Variants in KIF2C observed in about 807,000 individuals in gnomAD.
KIF2C encodes kinesin family member 2C.
In KIF2C, 34 loss-of-function variants were observed where a neutral mutation model predicts 97.4. The ratio of observed to expected loss-of-function variants is 0.35; its 90% CI spans 0.27 to 0.46. KIF2C has a LOEUF of 0.46. Ranked by LOEUF, KIF2C falls within the 20% of genes least tolerant of loss-of-function variation. The pLI, the probability that KIF2C is intolerant of heterozygous loss-of-function variation, is 1.00. For synonymous variants in KIF2C, 313 were observed against 318.2 expected (o/e 0.98, Z 0.17); for missense variants, 750 against 907.6 (o/e 0.83, Z 2.23).
In KIF2C at chr1:44,757,582, C is replaced by T. The variant is rs1264128734; in HGVS notation, c.1004C>T (p.Thr335Ile). ...TTCACAGCAAGGCCACTGGTACAGA[C>T]AATCTTTGAAGGTGGAAAAGCAACT... The part of the protein sequence containing the change: ...YRFTARPLVQ[T>I]IFEGGKATCF... The change falls in exon 11 of 21, where the codon ACA becomes ATA. Residue 335 changes from threonine to isoleucine, a missense_variant. Physicochemically the swap from Thr to Ile is moderately conservative, Grantham distance 89 (BLOSUM62 -1). Transcript: ENST00000372224. 2 of 1,613,292 alleles carry T rather than the reference C, an allele frequency of 1.2e-6. No individual in the cohort carries two copies. Among genetic ancestry groups the T allele is most frequent in the Admixed American group, 1.7e-5 (1 of 60,002 alleles).
Position 44,754,735 on chromosome 1 carries a change from C to CT in KIF2C, c.664-14dup. On this transcript the variant is annotated splice_polypyrimidine_tract_variant and intron_variant, in intron 7 of 20. Transcript: ENST00000372224. ...TCTTAACAGTCTGCCCTTTTTCACTCTCGTCTCAAACCAGGAGTATGACAG... is the reference window on the plus strand; with the variant it reads ...TCTTAACAGTCTGCCCTTTTTCACTCTTCGTCTCAAACCAGGAGTATGACAG... 6.5e-7 allele frequency: 1 copy of CT among 1,534,574 alleles called. No homozygotes were observed. Among genetic ancestry groups the CT allele is most frequent in the Non-Finnish European group, 9.0e-7 (1 of 1,107,692 alleles).
intron 19 of KIF2C, among the ~76,000 whole-genome samples, chr1:44,764,186 T>C (rs1650322766): frequency 6.6e-6 from 1 of 152,252 alleles, no homozygotes; most frequent in Non-Finnish European, 1.5e-5. Flanking sequence ...TCTATATATA[T>C]ATGTTTTTGA....
At chr1:44,763,722 T>C (rs1211905368) in intron 19 of KIF2C, among the ~76,000 whole-genome samples, 3 of 151,780 alleles carry the variant, frequency 2.0e-5, no homozygotes, top group Admixed American at 1.3e-4. Context: ...AGTTAGGAGA[T>C]TGTTGGAAAG....
At chr1:44,741,116 C>A in intron 2 of KIF2C, 109 bp downstream of exon 2, 2 of 799,568 alleles carry the variant, frequency 2.5e-6, no homozygotes, top group Non-Finnish European at 4.0e-6. Context: ...GCTCTTCTCA[C>A]TCACGCCTGT....
rs1189134415 is a variant in KIF2C at position 44,760,041 on chromosome 1, C to T, written c.1368-239C>T. Among the ~76,000 whole-genome samples the T allele has an allele frequency of 6.6e-6, 1 of 152,146 alleles. No individual in the cohort carries two copies. Among genetic ancestry groups the T allele is most frequent in the African/African-American group, 2.4e-5 (1 of 41,422 alleles). On this transcript the variant is annotated intron_variant, in intron 14 of 20. Coordinates refer to ENST00000372224, the MANE Select transcript of KIF2C (RefSeq NM_006845.4). The surrounding 1 kb of genome is among the most constrained non-coding windows in gnomAD (Gnocchi z 4.2). ...CCTTCCCCGTGTCCTTCTAGGGCTC[C>T]AGGTCTGACAAAGGCCCTAGTCCAG...
chr1:44,741,110 T>G, intron 2 of KIF2C, 103 bp downstream of exon 2: 9 of 861,676 alleles, frequency 1.0e-5, no homozygotes, highest in East Asian at 2.7e-5. Flanking sequence ...TGCTGTGCTC[T>G]TCTCACTCAC....
Position 44,756,152 on chromosome 1 carries a change from G to T in KIF2C, c.892G>T (p.Val298Leu). 6.2e-7 allele frequency: 1 copy of T among 1,614,218 alleles called. No homozygotes were observed. Among genetic ancestry groups the T allele is most frequent in the East Asian group, 2.2e-5 (1 of 44,892 alleles). The change falls in exon 10 of 21, where the codon GTG becomes TTG. Residue 298 changes from valine (V) to leucine (L), a missense_variant. Val to Leu is a conservative substitution (Grantham distance 32). Coordinates refer to ENST00000372224, the MANE Select transcript of KIF2C (RefSeq NM_006845.4). ...CTTGGTACATGAACCCAAGTTGAAAGTGGACTTAACAAAGTATCTGGAGAA... is the reference window on the plus strand; with the variant it reads ...CTTGGTACATGAACCCAAGTTGAAATTGGACTTAACAAAGTATCTGGAGAA... ...LLLVHEPKLK[V>L]DLTKYLENQA...
intron 2 of KIF2C, among the ~76,000 whole-genome samples, chr1:44,745,047 G>A (rs77912202): frequency 0.02 from 3,026 of 152,078 alleles, 50 homozygotes; most frequent in Admixed American, 0.044. Flanking sequence ...AAATTAGCTG[G>A]ACATGGTGGC....
At chr1:44,754,071 A>G (rs934577455) in intron 7 of KIF2C, among the ~76,000 whole-genome samples, 3 of 142,830 alleles carry the variant, frequency 2.1e-5, no homozygotes, top group Non-Finnish European at 3.0e-5. Context: ...CTTGGGCCTC[A>G]GCCTCCCAAG....
In KIF2C at chr1:44,760,868, C is replaced by T. The variant is rs984109202; in HGVS notation, c.1683+166C>T. The stretch of plus-strand genomic sequence containing the variant: ...AGACCCTGCTTTAATGCACGAGACT[C>T]CTTGTGGCCTAACCAAGCGTGGAGG... On this transcript the variant is annotated intron_variant, in intron 16 of 20. Coordinates refer to ENST00000372224, the MANE Select transcript of KIF2C (RefSeq NM_006845.4). The surrounding 1 kb of genome is among the most constrained non-coding windows in gnomAD (Gnocchi z 4.2). 3.3e-6 allele frequency: 2 copies of T among 612,056 alleles called. No homozygotes were observed. Among genetic ancestry groups the T allele is most frequent in the Admixed American group, 5.6e-5 (2 of 35,832 alleles). 37.9% of individuals were successfully genotyped at this position (612,056 alleles called of 1,614,324 possible).
At chr1:44,742,839 C>A (rs1053953604) in intron 2 of KIF2C, among the ~76,000 whole-genome samples, 1 of 151,956 alleles carries the variant, frequency 6.6e-6, no homozygotes, top group Non-Finnish European at 1.5e-5. Flanking sequence ...AAATCAATAA[C>A]CTGGTTGAGG....
rs184878481 is a variant in KIF2C at position 44,753,885 on chromosome 1, C to T, written c.663+52C>T. 7.4e-5 allele frequency: 76 copies of T among 1,029,280 alleles called. No individual in the cohort carries two copies. The African/African-American group carries it at 9.4e-4, about 13-fold the overall frequency. 63.8% of individuals were successfully genotyped at this position (1,029,280 alleles called of 1,614,324 possible). Reference sequence around the variant, plus strand: ...GGGTTTTTGGACAGGTGTCCTTAACCGAAACTCTACGGGCAACAGAGATAC... The same window carrying T: ...GGGTTTTTGGACAGGTGTCCTTAACTGAAACTCTACGGGCAACAGAGATAC... On this transcript the variant is annotated intron_variant, in intron 7 of 20. Coordinates refer to ENST00000372224, the MANE Select transcript of KIF2C (RefSeq NM_006845.4).
At chr1:44,761,149 A>G (rs1650119012) in intron 16 of KIF2C, 2 of 174,164 alleles carry the variant, frequency 1.1e-5, no homozygotes, top group Non-Finnish European at 2.5e-5. Context: ...AAGCCCCTGT[A>G]TGTGAGATCT....
intron 4 of KIF2C, among the ~76,000 whole-genome samples, chr1:44,749,903 C>T (rs1649415470): frequency 6.6e-6 from 1 of 151,622 alleles, no homozygotes; most frequent in Non-Finnish European, 1.5e-5. Context: ...ATGGTGAAAC[C>T]CCGTCTGTAC....
intron 2 of KIF2C, chr1:44,746,287 TG>T (rs1286125701): frequency 2.4e-6 from 2 of 822,490 alleles, no homozygotes; most frequent in Non-Finnish European, 2.9e-6. Flanking sequence ...CTGAACCTGT[TG>T]TAAAGCTATC....
Position 44,752,169 on chromosome 1 carries a change from C to G in KIF2C, c.440-963C>G, listed in dbSNP as rs544708971. Among the ~76,000 whole-genome samples, 7 of 117,494 alleles carry G rather than the reference C, an allele frequency of 6.0e-5. No individual in the cohort carries two copies. The South Asian group carries it at 2.0e-3, about 33-fold the overall frequency. 77.1% of individuals were successfully genotyped at this position (117,494 alleles called of 152,430 possible). On this transcript the variant is annotated intron_variant, in intron 5 of 20. Coordinates refer to ENST00000372224, the MANE Select transcript of KIF2C (RefSeq NM_006845.4). ...TTTTTTTTTTTTTGAGACAGAGTCT[C>G]GCTCTGTCGCCCAGGCTGGAGTGCA...
At chr1:44,747,352 G>T in intron 2 of KIF2C, 32 bp from the exon 3 acceptor site, 138 of 1,301,756 alleles carry the variant, frequency 1.1e-4, no homozygotes, top group Non-Finnish European at 1.4e-4. Flanking sequence ...GAACAATGTT[G>T]TTTCATTGAA....
In KIF2C at chr1:44,766,865, C is replaced by A; in HGVS notation, c.2011C>A (p.Gln671Lys). 1 of 1,614,234 alleles carries A rather than the reference C, an allele frequency of 6.2e-7. No individual in the cohort carries two copies. The highest frequency in any genetic ancestry group is 8.5e-7 in the Non-Finnish European group (1 of 1,180,022). ...DWLELSEMTE[Q>K]PDYDLETFVN... ...GCTTGAGCTCTCTGAGATGACCGAG[C>A]AGCCAGACTATGACCTGGAGACCTT... is the stretch of plus-strand genomic sequence containing the variant. Residue 671 changes from glutamine to lysine, a missense_variant, in exon 20 of 21, where the codon CAG becomes AAG. Transcript: ENST00000372224.
chr1:44,756,369 T>C, intron 10 of KIF2C, 132 bp downstream of exon 10: 1 of 975,366 alleles, frequency 1.0e-6, no homozygotes, highest in Non-Finnish European at 1.6e-6. Flanking sequence ...TTTCTTTGGG[T>C]CACACCCTTT....
Sources: gnomAD v4.1 joint callset for allele counts (sites outside exome capture counted in the v4.1 genomes callset) on GRCh38, gnomAD v4.1.1 for gene constraint, Gnocchi (gnomAD v3.1) non-coding constraint, MANE v1.5 for transcripts, NCBI Gene and HGNC (gene_info 2026-07-23, HGNC 2026-07-21) for gene names.